CPPED1: variants seen among roughly 807,000 people sequenced by gnomAD.
CPPED1 encodes calcineurin like phosphoesterase domain containing 1, also known as serine/threonine-protein phosphatase CPPED1.
In CPPED1, 28 loss-of-function variants were observed where a neutral mutation model predicts 28.0. The observed-to-expected ratio is 1.00, with a 90% CI of 0.74 to 1.37. The LOEUF (loss-of-function observed/expected upper bound fraction) is 1.37, where lower values mean the gene tolerates loss of function less well. Among genes scored for constraint, CPPED1 ranks in the 40% most tolerant of loss-of-function variants. The probability of loss-of-function intolerance (pLI) is 0.00; values close to 1 mark genes in which losing one functional copy is unlikely to be tolerated. For synonymous variants in CPPED1, 198 were observed against 180.2 expected (o/e 1.10, Z -0.79); for missense variants, 504 against 416.5 (o/e 1.21, Z -1.83).
At chr16:12,748,834 G>A (rs2080308360) in intron 2 of CPPED1, among the ~76,000 whole-genome samples, 1 of 146,872 alleles carries the variant, frequency 6.8e-6, no homozygotes, top group Non-Finnish European at 1.5e-5. Context: ...AGTGAGCAGA[G>A]ATCTCACCAC....
chr16:12,801,982 C>A (rs1451787178), intron 1 of CPPED1, among the ~76,000 whole-genome samples: 1 of 152,144 alleles, frequency 6.6e-6, no homozygotes, highest in Non-Finnish European at 1.5e-5. Flanking sequence ...AGGAAGACAG[C>A]CAGGCGAGGC....
intron 2 of CPPED1, among the ~76,000 whole-genome samples, chr16:12,750,709 G>A (rs943967709): frequency 1.3e-5 from 2 of 152,198 alleles, no homozygotes; most frequent in Non-Finnish European, 2.9e-5. Context: ...AGTGGCTCAC[G>A]CCTATAGTCC....
At chr16:12,785,828 C>G (rs1047934464) in intron 1 of CPPED1, among the ~76,000 whole-genome samples, 10 of 151,982 alleles carry the variant, frequency 6.6e-5, no homozygotes, top group African/African-American at 2.4e-4. Context: ...TCCAGCTTTT[C>G]TGGAAACCCT....
intron 3 of CPPED1, among the ~76,000 whole-genome samples, chr16:12,674,970 G>T (rs1280625769): frequency 1.3e-5 from 2 of 152,204 alleles, no homozygotes; most frequent in Non-Finnish European, 2.9e-5. Flanking sequence ...CTCACTGCTG[G>T]AGGGGGGCAC....
chr16:12,771,909 G>C (rs2080472281), intron 2 of CPPED1, among the ~76,000 whole-genome samples: 1 of 152,146 alleles, frequency 6.6e-6, no homozygotes, highest in African/African-American at 2.4e-5. Flanking sequence ...CATCACCTGA[G>C]GTCAGGAGTT....
chr16:12,721,515 G>C (rs1406105062), intron 2 of CPPED1, among the ~76,000 whole-genome samples: 5 of 152,128 alleles, frequency 3.3e-5, no homozygotes, highest in African/African-American at 1.2e-4. Context: ...CACTTTGGGA[G>C]GCTGAGGCAG....
intron 3 of CPPED1, among the ~76,000 whole-genome samples, chr16:12,685,175 G>A (rs947053363): frequency 2.0e-5 from 3 of 152,224 alleles, no homozygotes; most frequent in African/African-American, 7.2e-5. Flanking sequence ...CCTCAGCCAG[G>A]TGCGGCGGCT....
At chr16:12,678,500 G>A (rs1185939297) in intron 3 of CPPED1, among the ~76,000 whole-genome samples, 9 of 152,304 alleles carry the variant, frequency 5.9e-5, no homozygotes, top group African/African-American at 1.9e-4. Context: ...GGGGGGAAAT[G>A]CCGTATTAAC....
Position 12,665,115 on chromosome 16 carries a change from C to T in CPPED1, c.716G>A (p.Gly239Asp). Residue 239 changes from glycine to aspartate, a missense_variant and splice_region_variant, in exon 4 of 4, where the codon GGT (glycine) becomes GAT (aspartate). By Grantham distance (94) the Gly-to-Asp change is moderately conservative. Coordinates refer to ENST00000381774, the MANE Select transcript of CPPED1 (RefSeq NM_018340.3). ...GTGGCCTGAGAACACGACTTTGACA[C>T]CTGCAGAGAAGGGAAAAAGTCATTA... ...KKLADKFIHA[G>D]VKVVFSGHYH... is the part of the protein sequence containing the mutation. 6.3e-7 allele frequency: 1 copy of T among 1,589,386 alleles called. No homozygotes were observed. The highest frequency in any genetic ancestry group is 8.5e-7 in the Non-Finnish European group (1 of 1,172,710).
At chr16:12,798,495 G>C (rs1230694206) in intron 1 of CPPED1, among the ~76,000 whole-genome samples, 3 of 152,210 alleles carry the variant, frequency 2.0e-5, no homozygotes, top group Non-Finnish European at 4.4e-5. Flanking sequence ...AAGAGACAGA[G>C]TGAGTTATTT....
chr16:12,694,336 G>A (rs1391256371), intron 3 of CPPED1, among the ~76,000 whole-genome samples: 3 of 152,162 alleles, frequency 2.0e-5, no homozygotes, highest in Non-Finnish European at 4.4e-5. Context: ...GCTATTTGCT[G>A]AATGGATAAA....
chr16:12,745,320 G>A (rs1481122463), intron 2 of CPPED1, among the ~76,000 whole-genome samples: 1 of 152,126 alleles, frequency 6.6e-6, no homozygotes, highest in African/African-American at 2.4e-5. Flanking sequence ...CCATTACCAG[G>A]TACATACCCA....
At chr16:12,714,957 T>C (rs952201746) in intron 2 of CPPED1, among the ~76,000 whole-genome samples, 4 of 110,986 alleles carry the variant, frequency 3.6e-5, no homozygotes, top group Non-Finnish European at 8.5e-5. Flanking sequence ...CATTTTGAGT[T>C]CATTTTTTTT....
chr16:12,797,657 G>T (rs567606825), intron 1 of CPPED1, among the ~76,000 whole-genome samples: 4 of 152,212 alleles, frequency 2.6e-5, no homozygotes, highest in African/African-American at 9.6e-5. Context: ...CGGAAGAACT[G>T]TCTTGGGCCA....
At chr16:12,767,465 A>G (rs763080559) in intron 2 of CPPED1, among the ~76,000 whole-genome samples, 2 of 152,198 alleles carry the variant, frequency 1.3e-5, no homozygotes, top group Non-Finnish European at 2.9e-5. Context: ...CCAGCCAGGC[A>G]GACACGTAAA....
chr16:12,727,100 C>G (rs1442206285), intron 2 of CPPED1, among the ~76,000 whole-genome samples: 2 of 152,238 alleles, frequency 1.3e-5, no homozygotes, highest in East Asian at 3.9e-4. Context: ...AGGCTTTAGA[C>G]CATATACAAC....
intron 1 of CPPED1, among the ~76,000 whole-genome samples, chr16:12,784,594 T>C (rs2080552078): frequency 1.3e-5 from 2 of 152,256 alleles, no homozygotes; most frequent in African/African-American, 2.4e-5. Context: ...TGTGTCTTTA[T>C]GTTATTAATC....
intron 2 of CPPED1, among the ~76,000 whole-genome samples, chr16:12,725,141 G>C (rs762754094): frequency 6.6e-6 from 1 of 151,918 alleles, no homozygotes; most frequent in Admixed American, 6.6e-5. Flanking sequence ...ACCCAGGCTA[G>C]AGTGCAGTGT....
At position 12,681,216 on chromosome 16, in the gene CPPED1, G is replaced by A. The variant is rs1054179451; in HGVS notation, c.716-16101C>T. 3.3e-4 allele frequency among the ~76,000 whole-genome samples: 49 copies of A among 150,238 alleles called. 1 individual carries two copies. Among genetic ancestry groups the A allele is most frequent in the Admixed American group, 1.3e-3 (19 of 14,928 alleles). ...TAAACTTAATCCCCAGGGTAACAGC[G>A]TTGGGAGATGGACCTTTAAGAGATG... On this transcript the variant is annotated intron_variant, in intron 3 of 3. Coordinates refer to ENST00000381774, the MANE Select transcript of CPPED1 (RefSeq NM_018340.3).
Sources: gnomAD v4.1 joint callset for allele counts (sites outside exome capture counted in the v4.1 genomes callset) on GRCh38, gnomAD v4.1.1 for gene constraint, MANE v1.5 for transcripts, NCBI Gene and HGNC (gene_info 2026-07-23, HGNC 2026-07-21) for gene names.